The following S100A16 variants were observed in gnomAD, a reference collection of about 807,000 sequenced individuals.
The protein encoded by S100A16 is S100 calcium binding protein A16, also known as protein S100-A16.
In S100A16, 8 loss-of-function variants were observed where a neutral mutation model predicts 9.0. The observed-to-expected ratio is 0.89, with a 90% CI of 0.52 to 1.60. The LOEUF is 1.60. Among genes scored for constraint, S100A16 ranks in the 40% most tolerant of loss-of-function variants. The probability of loss-of-function intolerance (pLI) is 0.00; values close to 1 mark genes in which losing one functional copy is unlikely to be tolerated. For synonymous variants in S100A16, 51 were observed against 51.4 expected, an observed-to-expected ratio of 0.99 and a Z score of 0.04; for missense variants, 138 against 132.4, an observed-to-expected ratio of 1.04 and a Z score of -0.21.
At position 153,608,107 on chromosome 1, in the gene S100A16, C is replaced by T; in HGVS notation, c.45G>A (p.Leu15=). 1 of 1,614,048 alleles carries T rather than the reference C, an allele frequency of 6.2e-7. No individual in the cohort carries two copies. Among genetic ancestry groups the T allele is most frequent in the Non-Finnish European group, 8.5e-7 (1 of 1,179,962 alleles). ...YTELEKAVIV[L]VENFYKYVSK... Reference sequence around the variant, plus strand: ...ACACATATTTGTAGAAGTTTTCCACCAGGACAATGACTGCCTTCTCCAGCT... The same window carrying T: ...ACACATATTTGTAGAAGTTTTCCACTAGGACAATGACTGCCTTCTCCAGCT... Residue 15 remains leucine (L), a synonymous_variant, in exon 2 of 3, where the codon CTG becomes CTA. Coordinates refer to ENST00000368706, the MANE Select transcript of S100A16 (RefSeq NM_080388.3).
chr1:153,607,439 G>A lies in S100A16; in HGVS notation c.*95C>T, dbSNP rs1666716563. The A allele has an allele frequency of 4.9e-6, 7 of 1,434,556 alleles. No homozygotes were observed. Among genetic ancestry groups the A allele is most frequent in the Admixed American group, 1.7e-5 (1 of 57,596 alleles). 88.9% of individuals were successfully genotyped at this position (1,434,556 alleles called of 1,614,324 possible). On this transcript the variant is annotated 3_prime_UTR_variant, in exon 3 of 3. Coordinates refer to ENST00000368706, the MANE Select transcript of S100A16 (RefSeq NM_080388.3). ...GGTCTGGAGGGAGAAGAGAGTAAAG[G>A]GCCCTGGGTGGGCAGGAGGCTGAGG...
rs201004264 is a variant in S100A16 at position 153,607,584 on chromosome 1, C to A, written c.262G>T (p.Gly88Cys). Reference protein sequence around the residue: ...EYWTLIGGITGPIAKLIHEQE... With the variant: ...EYWTLIGGITCPIAKLIHEQE... ...TCATGGATGAGTTTGGCGATGGGGCCGGTGATGCCGCCTATCAAGGTCCAG... is the reference window on the plus strand; with the variant it reads ...TCATGGATGAGTTTGGCGATGGGGCAGGTGATGCCGCCTATCAAGGTCCAG... The change falls in exon 3 of 3, where the codon GGC (glycine) becomes TGC (cysteine). Residue 88 changes from glycine (G) to cysteine (C), a missense_variant. By Grantham distance (159) the Gly-to-Cys change is radical. Transcript: ENST00000368706. 3.8e-5 allele frequency: 62 copies of A among 1,614,026 alleles called. No individual in the cohort carries two copies. The highest frequency in any genetic ancestry group is 5.3e-5 in the Non-Finnish European group (62 of 1,180,002).
chr1:153,608,613 C>A (rs1666759533), intron 1 of S100A16, among the ~76,000 whole-genome samples: 2 of 149,076 alleles, frequency 1.3e-5, no homozygotes, highest in Admixed American at 1.3e-4. Flanking sequence ...GGGGCAGAGG[C>A]TACTGCCTCC....
At chr1:153,612,345 G>A (rs1224073747) in intron 1 of S100A16, among the ~76,000 whole-genome samples, 1 of 152,000 alleles carries the variant, frequency 6.6e-6, no homozygotes, top group East Asian at 1.9e-4. Flanking sequence ...CCTCTCCCAG[G>A]GAGCTTGCAG....
chr1:153,607,928 C>T (rs775078537), intron 2 of S100A16, 71 bp downstream of exon 2: 43 of 1,516,610 alleles, frequency 2.8e-5, no homozygotes, highest in Middle Eastern at 1.8e-4. Flanking sequence ...GGAAAGACAC[C>T]CTCAGAGGCC....
chr1:153,607,929 C>A, intron 2 of S100A16, 70 bp downstream of exon 2: 1 of 1,516,972 alleles, frequency 6.6e-7, no homozygotes, highest in Non-Finnish European at 9.1e-7. Context: ...GAAAGACACC[C>A]TCAGAGGCCA....
rs1175602628 is a variant in S100A16, at chr1:153,612,859, C to T, written c.-27+93G>A. 2.0e-5 allele frequency: 3 copies of T among 152,568 alleles called. No individual in the cohort carries two copies. The East Asian group carries it at 5.8e-4, about 29-fold the overall frequency. 9.5% of individuals were successfully genotyped at this position (152,568 alleles called of 1,614,324 possible). A position where few individuals can be genotyped will look rare whatever the true frequency, so the allele number is the denominator to read the frequency against. ...CTGCTCTCTGGCAGGCCCCTCTCCC[C>T]AGGCCCCCTTCACTGCCCCTTCTCC... is the stretch of plus-strand genomic sequence containing the variant. On this transcript the variant is annotated intron_variant, in intron 1 of 2. Coordinates refer to ENST00000368706, the MANE Select transcript of S100A16 (RefSeq NM_080388.3).
intron 1 of S100A16, among the ~76,000 whole-genome samples, chr1:153,611,046 G>A (rs1666824115): frequency 6.6e-6 from 1 of 151,884 alleles, no homozygotes; most frequent in African/African-American, 2.4e-5. Context: ...TCCTCCAATG[G>A]GCCCTCTCAC....
At chr1:153,609,068 A>T (rs1025769930) in intron 1 of S100A16, 2 of 985,622 alleles carry the variant, frequency 2.0e-6, no homozygotes, top group Admixed American at 1.2e-4. Flanking sequence ...GCGGATCTGG[A>T]TCTACTCTGT....
At chr1:153,609,347 A>T (rs28444667) in intron 1 of S100A16, 1 of 986,018 alleles carries the variant, frequency 1.0e-6, no homozygotes, top group African/African-American at 1.7e-5. Flanking sequence ...TCCTACTCCC[A>T]TGCCGGCTGC....
rs532817060 is a variant in S100A16, at chr1:153,609,969, G to T, written c.-26-1792C>A. Among the ~76,000 whole-genome samples the T allele has an allele frequency of 2.6e-5, 4 of 152,316 alleles. No individual in the cohort carries two copies. The South Asian group carries it at 8.3e-4, about 32-fold the overall frequency. The stretch of plus-strand genomic sequence containing the variant: ...TGCCCAAACCCTCTGGTCCTTGGCT[G>T]GGAGGATGGAGCAGAGTACCAGGAT... On this transcript the variant is annotated intron_variant, in intron 1 of 2. Transcript: ENST00000368706.
intron 1 of S100A16, chr1:153,609,183 G>A (rs918349044): frequency 1.1e-5 from 11 of 985,164 alleles, no homozygotes; most frequent in African/African-American, 3.5e-5. Context: ...CTCACCCGGC[G>A]GGTCCTGGTG....
chr1:153,607,460 T>C lies in S100A16; in HGVS notation c.*74A>G. Reference sequence around the variant, plus strand: ...AAAGGGCCCTGGGTGGGCAGGAGGCTGAGGAGGGAGCCTGGGGAGAGCACC... The same window carrying C: ...AAAGGGCCCTGGGTGGGCAGGAGGCCGAGGAGGGAGCCTGGGGAGAGCACC... On this transcript the variant is annotated 3_prime_UTR_variant, in exon 3 of 3. Coordinates refer to ENST00000368706, the MANE Select transcript of S100A16 (RefSeq NM_080388.3). 6.3e-7 allele frequency: 1 copy of C among 1,579,760 alleles called. No individual in the cohort carries two copies. Among genetic ancestry groups the C allele is most frequent in the Non-Finnish European group, 8.7e-7 (1 of 1,152,364 alleles).
At chr1:153,609,166 A>C in intron 1 of S100A16, 1 of 985,432 alleles carries the variant, frequency 1.0e-6, no homozygotes, top group Non-Finnish European at 1.2e-6. Flanking sequence ...AATGTGCTCC[A>C]GTCACCCTCA....
intron 1 of S100A16, among the ~76,000 whole-genome samples, chr1:153,609,718 T>C (rs775569147): frequency 5.9e-5 from 9 of 152,232 alleles, no homozygotes; most frequent in Non-Finnish European, 8.8e-5. Context: ...AGTGCCTTGC[T>C]CAAGGTACAC....
chr1:153,611,915 T>TCACACACA (rs1250361327), intron 1 of S100A16, among the ~76,000 whole-genome samples: 1,247 of 79,702 alleles, frequency 0.016, 9 homozygotes, highest in South Asian at 0.057. Context: ...TTTGTCTCTC[T>TCACACACA]CTCACACACA....
At chr1:153,608,236 C>T in intron 1 of S100A16, 59 bp from the exon 2 acceptor site, 1 of 1,458,866 alleles carries the variant, frequency 6.9e-7, no homozygotes, top group South Asian at 1.2e-5. Flanking sequence ...CCTCCTCCTC[C>T]TCCACACCCA....
intron 1 of S100A16, chr1:153,609,116 C>A: frequency 1.0e-6 from 1 of 985,840 alleles, no homozygotes; most frequent in Non-Finnish European, 1.2e-6. Flanking sequence ...CCACATCAAC[C>A]CCAGGCAAAT....
intron 1 of S100A16, chr1:153,609,332 G>A (rs1666783432): frequency 4.1e-6 from 4 of 985,926 alleles, no homozygotes; most frequent in South Asian, 9.4e-5. Context: ...GCCACTTGTG[G>A]CCATTCCTAC....
Sources: gnomAD v4.1 joint callset for allele counts (sites outside exome capture counted in the v4.1 genomes callset) on GRCh38, gnomAD v4.1.1 for gene constraint, MANE v1.5 for transcripts, NCBI Gene and HGNC (gene_info 2026-07-23, HGNC 2026-07-21) for gene names.